Variants in TECTA observed in about 807,000 individuals in gnomAD.
The protein encoded by TECTA is tectorin alpha.
TECTA carries 128 observed loss-of-function variants against 216.8 expected under a neutral mutation model. That is an observed-to-expected ratio of 0.59 (90% CI 0.51 to 0.68). The LOEUF (loss-of-function observed/expected upper bound fraction) is 0.68, where lower values mean the gene tolerates loss of function less well. TECTA is among the 30% of genes least tolerant of loss of function. TECTA has a pLI of 0.00. For synonymous variants in TECTA, 1,089 were observed against 1,117.1 expected, an observed-to-expected ratio of 0.97 and a Z score of 0.50; for missense variants, 2,551 against 2,786.2, an observed-to-expected ratio of 0.92 and a Z score of 1.90.
At chr11:121,112,978 G>A in intron 4 of TECTA, 94 bp from the exon 5 acceptor site, 1 of 1,521,426 alleles carries the variant, frequency 6.6e-7, no homozygotes, top group Admixed American at 1.8e-5. Context: ...AGCTGCCTGT[G>A]GGTGGGGAGG....
intron 13 of TECTA, 106 bp downstream of exon 13, chr11:121,153,186 G>A (rs1368557174): frequency 1.5e-6 from 2 of 1,368,380 alleles, no homozygotes; most frequent in Non-Finnish European, 2.0e-6. Flanking sequence ...ATTATGAAGA[G>A]CGTCGTGTTC....
chr11:121,170,151 A>G, intron 20 of TECTA, among the ~76,000 whole-genome samples: 1 of 152,160 alleles, frequency 6.6e-6, no homozygotes, highest in Non-Finnish European at 1.5e-5. Flanking sequence ...AATGACTTCC[A>G]GTTCTGACCA....
chr11:121,180,309 C>A (rs1337930472), intron 20 of TECTA, among the ~76,000 whole-genome samples: 1 of 152,128 alleles, frequency 6.6e-6, no homozygotes, highest in Non-Finnish European at 1.5e-5. Context: ...GTAGGGCTGG[C>A]CTGGTGGTGA....
Position 121,113,489 on chromosome 11 carries a change from T to C in TECTA, c.625-64T>C. 6 of 1,603,518 alleles carry C rather than the reference T, an allele frequency of 3.7e-6. No homozygotes were observed. The highest frequency in any genetic ancestry group is 4.3e-6 in the Non-Finnish European group (5 of 1,170,738). On this transcript the variant is annotated intron_variant, in intron 5 of 23. Coordinates refer to ENST00000392793, the MANE Select transcript of TECTA (RefSeq NM_005422.4). This position sits in a 1 kb window ranked among gnomAD's most constrained non-coding sequence, Gnocchi z 4.2. ...GTGCTGGATTTTAAAAATAAGGTAGTTGGGCCAGTTAACCCATGGGGAATT... is the reference window on the plus strand; with the variant it reads ...GTGCTGGATTTTAAAAATAAGGTAGCTGGGCCAGTTAACCCATGGGGAATT...
At chr11:121,169,052 T>C in intron 20 of TECTA, 127 bp downstream of exon 20, 1 of 1,413,746 alleles carries the variant, frequency 7.1e-7, no homozygotes, top group East Asian at 2.3e-5. Flanking sequence ...TTTGCATTTA[T>C]TAATTCATCT....
At position 121,128,159 on chromosome 11, in the gene TECTA, T is replaced by G; in HGVS notation, c.2182T>G (p.Ser728Ala). The change falls in exon 9 of 24, where the codon TCC becomes GCC. Residue 728 changes from serine (S) to alanine (A), a missense_variant. Around this residue, in one of 3 missense-constraint regions of TECTA, gnomAD observed 2,375 missense variants for 2,563.9 expected, o/e 0.93. Coordinates refer to ENST00000392793, the MANE Select transcript of TECTA (RefSeq NM_005422.4). The part of the protein sequence containing the change: ...NQVLHTFDGA[S>A]YAFPSEFSYT... ...GGTGCTGCACACCTTTGACGGCGCC[T>G]CCTACGCCTTCCCCTCCGAGTTCTC... 6.2e-7 allele frequency: 1 copy of G among 1,611,094 alleles called. No individual in the cohort carries two copies. The highest frequency in any genetic ancestry group is 8.5e-7 in the Non-Finnish European group (1 of 1,180,022).
chr11:121,146,107 A>G lies in TECTA; in HGVS notation c.4096A>G (p.Thr1366Ala). 1 of 1,608,708 alleles carries G rather than the reference A, an allele frequency of 6.2e-7. No individual in the cohort carries two copies. The highest frequency in any genetic ancestry group is 8.5e-7 in the Non-Finnish European group (1 of 1,180,000). ...TACGGTGACTGGCTGGAGGAATTACACGTCCTGCAGTGAGTCCTTCTCGTT... is the reference window on the plus strand; with the variant it reads ...TACGGTGACTGGCTGGAGGAATTACGCGTCCTGCAGTGAGTCCTTCTCGTT... ...GITVTGWRNY[T>A]SCTVTCPPNS... is the part of the protein sequence containing the mutation. The change falls in exon 12 of 24, where the codon ACG becomes GCG. Residue 1366 changes from threonine to alanine, a missense_variant. By Grantham distance (58) the Thr-to-Ala change is moderately conservative. Transcript: ENST00000392793.
At position 121,137,717 on chromosome 11, in the gene TECTA, G is replaced by A. The variant is rs1332117462; in HGVS notation, c.3238G>A (p.Asp1080Asn). 1.2e-6 allele frequency: 2 copies of A among 1,614,154 alleles called. No individual in the cohort carries two copies. Among genetic ancestry groups the A allele is most frequent in the Non-Finnish European group, 1.7e-6 (2 of 1,180,032 alleles). The change falls in exon 11 of 24, where the codon GAT (aspartate) becomes AAT (asparagine). Residue 1080 changes from aspartate to asparagine, a missense_variant. Asp to Asn is a conservative substitution (Grantham distance 23). Around this residue, in one of 3 missense-constraint regions of TECTA, gnomAD observed 2,375 missense variants for 2,563.9 expected, o/e 0.93. Coordinates refer to ENST00000392793, the MANE Select transcript of TECTA (RefSeq NM_005422.4). The stretch of plus-strand genomic sequence containing the variant: ...CTGCGAGACCATTCCCTGCAAGGAT[G>A]ATGAGTACTGCATGGAGGAAGGTGG... The part of the protein sequence containing the change: ...VHCETIPCKD[D>N]EYCMEEGGLY...
chr11:121,146,184 T>A, intron 12 of TECTA, 68 bp downstream of exon 12: 1 of 1,574,998 alleles, frequency 6.3e-7, no homozygotes, highest in Non-Finnish European at 8.6e-7. Context: ...AAGGCCAGTC[T>A]TCCAACTCCC....
rs551003377 is a variant in TECTA at position 121,191,144 on chromosome 11, C to A, written c.*338C>A. ...TGACTGGAAATCTGACCAGAGAAAT[C>A]TGTCAAGCCAGTGCTATTTCTGGAT... is the stretch of plus-strand genomic sequence containing the variant. On this transcript the variant is annotated 3_prime_UTR_variant, in exon 24 of 24. Transcript: ENST00000392793. 129 of 330,260 alleles carry A rather than the reference C, an allele frequency of 3.9e-4. 1 individual carries two copies. The highest frequency in any genetic ancestry group is 6.6e-4 in the Non-Finnish European group (113 of 171,174). The allele number at this position is 330,260 out of a possible 1,614,324, so 20.5% of individuals were successfully genotyped here.
Position 121,113,057 on chromosome 11 carries a change from A to G in TECTA, c.487-15A>G, listed in dbSNP as rs1275385631. ...GGGAGTGCAAGTCATGAGACTGCGC[A>G]TTCCCATCCTGTAGGTGAACACCTT... On this transcript the variant is annotated splice_polypyrimidine_tract_variant and intron_variant, in intron 4 of 23. Coordinates refer to ENST00000392793, the MANE Select transcript of TECTA (RefSeq NM_005422.4). The surrounding 1 kb of genome is among the most constrained non-coding windows in gnomAD (Gnocchi z 4.2). 1 of 1,614,068 alleles carries G rather than the reference A, an allele frequency of 6.2e-7. No individual in the cohort carries two copies. Among genetic ancestry groups the G allele is most frequent in the Non-Finnish European group, 8.5e-7 (1 of 1,179,992 alleles).
intron 20 of TECTA, among the ~76,000 whole-genome samples, chr11:121,172,167 ATTG>A (rs1947118870): frequency 1.3e-5 from 2 of 151,792 alleles, no homozygotes; most frequent in Admixed American, 1.3e-4. Flanking sequence ...TATGGTTTTT[ATTG>A]TTCATTCTTT....
At chr11:121,108,951 T>C (rs1946417840) in intron 3 of TECTA, among the ~76,000 whole-genome samples, 1 of 152,018 alleles carries the variant, frequency 6.6e-6, no homozygotes, top group South Asian at 2.1e-4. Flanking sequence ...AGAGACAGGA[T>C]AGGGAACATG....
At chr11:121,136,060 G>A (rs1301597900) in intron 10 of TECTA, among the ~76,000 whole-genome samples, 1 of 151,990 alleles carries the variant, frequency 6.6e-6, no homozygotes, top group Non-Finnish European at 1.5e-5. Flanking sequence ...CCAGGTTCGA[G>A]CGATTCTAGA....
Position 121,118,557 on chromosome 11 carries a change from C to A in TECTA, c.1042C>A (p.Leu348Met). 4 of 1,614,212 alleles carry A rather than the reference C, an allele frequency of 2.5e-6. No individual in the cohort carries two copies. Among genetic ancestry groups the A allele is most frequent in the Non-Finnish European group, 3.4e-6 (4 of 1,180,038 alleles). Residue 348 changes from leucine to methionine, a missense_variant, in exon 7 of 24, where the codon CTG becomes ATG. This residue lies in a region of TECTA where 2,375 missense variants were observed against 2,563.9 expected (regional missense o/e 0.93). Coordinates refer to ENST00000392793, the MANE Select transcript of TECTA (RefSeq NM_005422.4). ...FHFQGSCAYL[L>M]ARQCLQTSSL... ...CTTCCAAGGCTCCTGTGCCTACTTG[C>A]TGGCCCGACAGTGTTTGCAGACTTC... is the stretch of plus-strand genomic sequence containing the variant.
chr11:121,141,710 G>C (rs1192134830), intron 11 of TECTA, among the ~76,000 whole-genome samples: 1 of 152,226 alleles, frequency 6.6e-6, no homozygotes, highest in Non-Finnish European at 1.5e-5. Flanking sequence ...TTGCCAGTCA[G>C]GTGGCCATCA....
In TECTA at chr11:121,105,426, C is replaced by CA. The variant is rs1383385074; in HGVS notation, c.65-404dup. Among the ~76,000 whole-genome samples, 3 of 152,214 alleles carry CA rather than the reference C, an allele frequency of 2.0e-5. No homozygotes were observed. The highest frequency in any genetic ancestry group is 1.3e-4 in the Admixed American group (2 of 15,286). ...GGAGGGAACTCCTTTCAGGAAAACACACGATAGTGGAATTCTTGAGCTAGA... is the reference window on the plus strand; with the variant it reads ...GGAGGGAACTCCTTTCAGGAAAACACAACGATAGTGGAATTCTTGAGCTAGA... On this transcript the variant is annotated intron_variant, in intron 2 of 23. Transcript: ENST00000392793. This position sits in a 1 kb window ranked among gnomAD's most constrained non-coding sequence, Gnocchi z 5.3.
intron 11 of TECTA, among the ~76,000 whole-genome samples, chr11:121,138,969 A>C (rs1377561484): frequency 1.3e-5 from 2 of 152,240 alleles, no homozygotes; most frequent in African/African-American, 4.8e-5. Flanking sequence ...GCTATACTGA[A>C]CTAAACTATC....
intron 6 of TECTA, among the ~76,000 whole-genome samples, chr11:121,118,062 G>A (rs1044023277): frequency 9.9e-5 from 15 of 152,164 alleles, no homozygotes; most frequent in African/African-American, 3.1e-4. Context: ...GAGCTTAGAC[G>A]GGATTCAGAC....
Sources: allele counts gnomAD v4.1 joint callset (sites outside exome capture counted in the v4.1 genomes callset), GRCh38; gene constraint gnomAD v4.1.1; regional missense constraint gnomAD v4.1.1; non-coding constraint Gnocchi (gnomAD v3.1); transcripts MANE v1.5; gene names NCBI Gene and HGNC (gene_info 2026-07-23, HGNC 2026-07-21).